The following MAGED1 variants were observed in gnomAD, a reference collection of about 807,000 sequenced individuals.
MAGED1 encodes MAGE family member D1.
In MAGED1, 3 loss-of-function variants were observed where a neutral mutation model predicts 54.1. The observed-to-expected ratio is 0.06, with a 90% CI of 0.03 to 0.14. MAGED1 has a LOEUF of 0.14. MAGED1 is among the 10% of genes least tolerant of loss of function. The pLI, the probability that MAGED1 is intolerant of heterozygous loss-of-function variation, is 1.00. For synonymous variants in MAGED1, 217 were observed against 227.3 expected, an observed-to-expected ratio of 0.95 and a Z score of 0.41; for missense variants, 485 against 623.4, an observed-to-expected ratio of 0.78 and a Z score of 2.36.
chrX:51,835,839 C>A (rs1406715103), intron 1 of MAGED1, among the ~76,000 whole-genome samples: 2 of 111,719 alleles, frequency 1.8e-5, no homozygotes, highest in Admixed American at 1.9e-4. Flanking sequence ...TTCTCTCATC[C>A]GCTTTGGGGA....
At chrX:51,856,484 C>G (rs1557360205) in intron 1 of MAGED1, among the ~76,000 whole-genome samples, 1 of 112,127 alleles carries the variant, frequency 8.9e-6, no homozygotes, top group Non-Finnish European at 1.9e-5. Flanking sequence ...TGATGACTAA[C>G]AAAATGGAAT....
rs936299268 is a variant in MAGED1, at chrX:51,897,370, A to G, written c.1486+99A>G. On this transcript the variant is annotated intron_variant, in intron 5 of 12. Transcript: ENST00000326587. Reference sequence around the variant, plus strand: ...GTAGCTCTGCCCTTCCCTTCACTCCATGCTCTGTCGGCATTCTTCTGCTTG... The same window carrying G: ...GTAGCTCTGCCCTTCCCTTCACTCCGTGCTCTGTCGGCATTCTTCTGCTTG... The G allele has an allele frequency of 3.3e-5, 29 of 868,959 alleles. No homozygotes were observed. In the Admixed American group the frequency reaches 3.7e-4, roughly 11 times the overall value. The allele number at this position is 868,959 out of a possible 1,213,427, so 71.6% of individuals were successfully genotyped here.
intron 1 of MAGED1, among the ~76,000 whole-genome samples, chrX:51,883,453 G>A (rs1406052283): frequency 8.9e-6 from 1 of 111,952 alleles, no homozygotes; most frequent in Admixed American, 9.4e-5. Flanking sequence ...TCAACCCCAG[G>A]TATCAGTGGA....
chrX:51,891,218 G>C (rs898332532), upstream of MAGED1, among the ~76,000 whole-genome samples: 3 of 112,633 alleles, frequency 2.7e-5, no homozygotes, highest in Non-Finnish European at 5.6e-5. Context: ...AAAAACAAGT[G>C]TTTGGCAGGT....
intron 1 of MAGED1, among the ~76,000 whole-genome samples, chrX:51,823,541 A>T: frequency 9.0e-6 from 1 of 111,716 alleles, no homozygotes; most frequent in Non-Finnish European, 1.9e-5. Context: ...TCTCTTGAAG[A>T]TAATGTATAG....
chrX:51,821,096 G>A (rs1206945080), intron 1 of MAGED1, among the ~76,000 whole-genome samples: 3 of 111,764 alleles, frequency 2.7e-5, no homozygotes, highest in African/African-American at 9.8e-5. Context: ...TCATTGCAAG[G>A]TAGAACTACA....
At chrX:51,865,050 C>A (rs909788032) in intron 1 of MAGED1, among the ~76,000 whole-genome samples, 3 of 112,395 alleles carry the variant, frequency 2.7e-5, no homozygotes, top group Non-Finnish European at 3.8e-5. Context: ...GAAAAGCTTA[C>A]AACTTTTCAA....
chrX:51,896,191 G>A (rs1928740479), intron 3 of MAGED1: 5 of 431,185 alleles, frequency 1.2e-5, no homozygotes, highest in Middle Eastern at 6.3e-4. Flanking sequence ...ATAGGAAGAG[G>A]AGAAGCCTCA....
intron 10 of MAGED1, chrX:51,898,993 G>T (rs1328129125): frequency 3.1e-5 from 5 of 158,876 alleles, no homozygotes; most frequent in Non-Finnish European, 5.9e-5. Flanking sequence ...GCAACAGAGT[G>T]AGACCCTGTC....
chrX:51,888,396 A>G (rs889316703), intron 1 of MAGED1, among the ~76,000 whole-genome samples: 3 of 112,045 alleles, frequency 2.7e-5, no homozygotes, highest in African/African-American at 9.7e-5. Flanking sequence ...ATCATTAGCC[A>G]TTAGGGAAAT....
At chrX:51,803,196 A>C (rs1203638072) in intron 1 of MAGED1, 1 of 111,201 alleles carries the variant, frequency 9.0e-6, no homozygotes, top group Non-Finnish European at 1.9e-5. Flanking sequence ...TTTGTGCCTC[A>C]ACGTGGGGTG....
At chrX:51,875,532 T>A (rs1390283266) in intron 1 of MAGED1, among the ~76,000 whole-genome samples, 1 of 112,124 alleles carries the variant, frequency 8.9e-6, no homozygotes, top group Non-Finnish European at 1.9e-5. Context: ...TCATATTTTA[T>A]GTCCATTTTT....
At chrX:51,846,052 A>G (rs981934864) in intron 1 of MAGED1, among the ~76,000 whole-genome samples, 3 of 111,815 alleles carry the variant, frequency 2.7e-5, no homozygotes, top group African/African-American at 9.8e-5. Flanking sequence ...CTGGGATTAC[A>G]GGCATGAGCC....
At chrX:51,827,197 A>T (rs950690422) in intron 1 of MAGED1, among the ~76,000 whole-genome samples, 1 of 111,383 alleles carries the variant, frequency 9.0e-6, no homozygotes, top group African/African-American at 3.3e-5. Flanking sequence ...TGGGAGGCAG[A>T]GGTTGCAGTG....
intron 1 of MAGED1, among the ~76,000 whole-genome samples, chrX:51,894,028 G>T (rs984288606): frequency 7.3e-5 from 8 of 109,352 alleles, no homozygotes; most frequent in Non-Finnish European, 1.5e-4. Flanking sequence ...CAACCCAACC[G>T]CACCCCCGCT....
intron 1 of MAGED1, among the ~76,000 whole-genome samples, chrX:51,838,100 AT>A (rs1172191826): frequency 1.8e-5 from 2 of 112,327 alleles, no homozygotes; most frequent in African/African-American, 6.5e-5. Context: ...GATTCCTGCT[AT>A]CCCATGAGTT....
At chrX:51,882,776 C>T (rs781899311) in intron 1 of MAGED1, among the ~76,000 whole-genome samples, 95 of 111,262 alleles carry the variant, frequency 8.5e-4, no homozygotes, top group African/African-American at 2.9e-3. Flanking sequence ...CTGCAACCTC[C>T]GCCTCCCGGG....
At chrX:51,844,360 A>G (rs1376597470) in intron 1 of MAGED1, among the ~76,000 whole-genome samples, 1 of 112,472 alleles carries the variant, frequency 8.9e-6, no homozygotes, top group Non-Finnish European at 1.9e-5. Context: ...ATTTCCAAGC[A>G]AAGTGTTAAA....
At chrX:51,830,181 A>G (rs1926009259) in intron 1 of MAGED1, among the ~76,000 whole-genome samples, 1 of 111,865 alleles carries the variant, frequency 8.9e-6, no homozygotes, top group African/African-American at 3.2e-5. Context: ...GAGAAAAGTG[A>G]GTTACAGAAC....
Sources: allele counts gnomAD v4.1 joint callset (sites outside exome capture counted in the v4.1 genomes callset), GRCh38; gene constraint gnomAD v4.1.1; transcripts MANE v1.5; gene names NCBI Gene and HGNC (gene_info 2026-07-23, HGNC 2026-07-21).